The following CDYL variants were observed in gnomAD, a reference collection of about 807,000 sequenced individuals.
CDYL encodes the protein chromodomain Y-like protein.
A neutral mutation model predicts 47.3 loss-of-function variants in CDYL; 8 were observed. That is an observed-to-expected ratio of 0.17 (90% CI 0.10 to 0.31). CDYL has a LOEUF of 0.31. Ranked by LOEUF, CDYL falls within the 10% of genes least tolerant of loss-of-function variation. The pLI is 1.00. For missense variants in CDYL, 471 were observed against 701.4 expected (o/e 0.67, Z 3.71); for synonymous variants, 266 against 265.0 (o/e 1.00, Z -0.04).
rs80212205 is a variant in CDYL, at chr6:4,750,530, G to A, written c.186+15686G>A. On this transcript the variant is annotated intron_variant, in intron 3 of 8. Transcript: ENST00000328908. ...AAAATTTTTTTAATTAGCTGGGAATGGTGGCACATGTAGGTAGTCTCAGCT... is the reference window on the plus strand; with the variant it reads ...AAAATTTTTTTAATTAGCTGGGAATAGTGGCACATGTAGGTAGTCTCAGCT... Among the ~76,000 whole-genome samples, 270 of 152,174 alleles carry A rather than the reference G, an allele frequency of 1.8e-3. 5 individuals are homozygous for A. In the East Asian group the frequency reaches 0.047, roughly 27 times the overall value.
intron 3 of CDYL, among the ~76,000 whole-genome samples, chr6:4,770,673 G>A (rs973701754): frequency 2.6e-5 from 4 of 152,016 alleles, no homozygotes; most frequent in Non-Finnish European, 4.4e-5. Flanking sequence ...ATTCTGATTC[G>A]TTCAAAATAT....
chr6:4,932,396 T>A (rs1346032394), intron 2 of CDYL, among the ~76,000 whole-genome samples: 1 of 152,104 alleles, frequency 6.6e-6, no homozygotes, highest in African/African-American at 2.4e-5. Flanking sequence ...ACTCATCCCA[T>A]TCATGAGGGC....
chr6:4,723,964 G>C (rs1047462090), intron 2 of CDYL, among the ~76,000 whole-genome samples: 2 of 150,834 alleles, frequency 1.3e-5, no homozygotes, highest in East Asian at 3.9e-4. Context: ...GGGATTAAAA[G>C]AGAGATTTAT....
At chr6:4,725,694 A>G (rs1254003775) in intron 2 of CDYL, among the ~76,000 whole-genome samples, 2 of 152,084 alleles carry the variant, frequency 1.3e-5, no homozygotes, top group African/African-American at 4.8e-5. Flanking sequence ...CTCCCTCCAC[A>G]CCTTCCCGCA....
chr6:4,932,542 C>A (rs991605782), intron 2 of CDYL, among the ~76,000 whole-genome samples: 2 of 152,178 alleles, frequency 1.3e-5, no homozygotes, highest in African/African-American at 4.8e-5. Flanking sequence ...CCTGTGTTGC[C>A]AGGATGCTGC....
At chr6:4,869,535 G>A (rs113669690) in intron 1 of CDYL, among the ~76,000 whole-genome samples, 1,893 of 152,206 alleles carry the variant, frequency 0.012, 40 homozygotes, top group African/African-American at 0.043. Flanking sequence ...CTTTCCTGCT[G>A]CCTCCTAGTT....
At chr6:4,723,985 A>C (rs1757428413) in intron 2 of CDYL, among the ~76,000 whole-genome samples, 1 of 152,172 alleles carries the variant, frequency 6.6e-6, no homozygotes, top group African/African-American at 2.4e-5. Flanking sequence ...GTATCCGTGA[A>C]ATTATTTTAC....
At chr6:4,712,372 C>T (rs938781308) in intron 1 of CDYL, among the ~76,000 whole-genome samples, 2 of 152,250 alleles carry the variant, frequency 1.3e-5, no homozygotes, top group African/African-American at 4.8e-5. Context: ...CTGGGCAAGG[C>T]TGTTGCCAAG....
chr6:4,878,548 C>A (rs184750366), intron 1 of CDYL, among the ~76,000 whole-genome samples: 1 of 151,916 alleles, frequency 6.6e-6, no homozygotes, highest in Admixed American at 6.5e-5. Context: ...AGGAACATGT[C>A]TACTTTTACG....
chr6:4,707,742 T>C (rs566947203), intron 1 of CDYL, among the ~76,000 whole-genome samples: 7 of 152,264 alleles, frequency 4.6e-5, no homozygotes, highest in African/African-American at 1.4e-4. Context: ...ATTTTCTGAT[T>C]TTTTTATAGT....
At chr6:4,913,021 G>T (rs1327011273) in intron 2 of CDYL, among the ~76,000 whole-genome samples, 1 of 152,238 alleles carries the variant, frequency 6.6e-6, no homozygotes, top group African/African-American at 2.4e-5. Flanking sequence ...TGCCGGTGAG[G>T]TGGACTAGCA....
intron 1 of CDYL, among the ~76,000 whole-genome samples, chr6:4,814,146 T>G (rs1759606274): frequency 6.6e-6 from 1 of 152,228 alleles, no homozygotes; most frequent in Non-Finnish European, 1.5e-5. Flanking sequence ...CCCATTATTT[T>G]CATTTCCACA....
At chr6:4,860,585 T>C (rs1171521584) in intron 1 of CDYL, among the ~76,000 whole-genome samples, 2 of 146,040 alleles carry the variant, frequency 1.4e-5, no homozygotes, top group Admixed American at 6.8e-5. Flanking sequence ...ATATTATGTA[T>C]AATATACATA....
intron 5 of CDYL, 88 bp from the exon 6 acceptor site, chr6:4,952,175 ATGT>A: frequency 6.9e-7 from 1 of 1,440,130 alleles, no homozygotes; most frequent in Non-Finnish European, 9.4e-7. Context: ...GTATTTGTGA[ATGT>A]TTCCCTTCGG....
intron 1 of CDYL, among the ~76,000 whole-genome samples, chr6:4,831,660 T>G (rs1027389988): frequency 5.3e-5 from 8 of 152,138 alleles, no homozygotes; most frequent in Non-Finnish European, 1.0e-4. Context: ...ATCTATAAAT[T>G]ACCTTGGGCA....
chr6:4,822,732 C>T (rs1759876380), intron 1 of CDYL, among the ~76,000 whole-genome samples: 1 of 152,152 alleles, frequency 6.6e-6, no homozygotes, highest in Non-Finnish European at 1.5e-5. Flanking sequence ...CATGTGTTTT[C>T]AGTTCTCTTC....
intron 2 of CDYL, among the ~76,000 whole-genome samples, chr6:4,916,173 A>T (rs1052055632): frequency 6.6e-6 from 1 of 152,252 alleles, no homozygotes; most frequent in Non-Finnish European, 1.5e-5. Context: ...TCCTGAGGCT[A>T]TGTCAGGGCC....
chr6:4,724,471 C>T (rs1274944482), intron 2 of CDYL: 1 of 152,680 alleles, frequency 6.5e-6, no homozygotes, highest in Non-Finnish European at 1.5e-5. Flanking sequence ...AACCTGCTCG[C>T]GTCCGGAATC....
At chr6:4,724,222 T>C (rs1268177624) in intron 2 of CDYL, among the ~76,000 whole-genome samples, 1 of 152,062 alleles carries the variant, frequency 6.6e-6, no homozygotes, top group East Asian at 1.9e-4. Flanking sequence ...TGTATTTTTT[T>C]TTTTTAAGTA....
Sources: allele counts gnomAD v4.1 joint callset (sites outside exome capture counted in the v4.1 genomes callset), GRCh38; gene constraint gnomAD v4.1.1; transcripts MANE v1.5; gene names NCBI Gene and HGNC (gene_info 2026-07-23, HGNC 2026-07-21).